The following AGMO variants were observed in gnomAD, a reference collection of about 807,000 sequenced individuals.
AGMO encodes glyceryl-ether monooxygenase.
In AGMO, 75 loss-of-function variants were observed where a neutral mutation model predicts 60.2. The observed-to-expected ratio is 1.25, with a 90% confidence interval of 1.03 to 1.51. AGMO has a LOEUF of 1.51. AGMO is among the 40% of genes most tolerant of loss of function. The pLI, the probability that AGMO is intolerant of heterozygous loss-of-function variation, is 0.00. For synonymous variants in AGMO, 261 were observed against 177.1 expected, an observed-to-expected ratio of 1.47 and a Z score of -3.76; for missense variants, 763 against 525.5, an observed-to-expected ratio of 1.45 and a Z score of -4.42.
intron 12 of AGMO, among the ~76,000 whole-genome samples, chr7:15,322,650 A>G (rs1317716500): frequency 1.5e-5 from 1 of 67,098 alleles, no homozygotes; most frequent in Non-Finnish European, 2.4e-5. Flanking sequence ...AAATATATAA[A>G]TATATATATA....
the AGMO span, among the ~76,000 whole-genome samples, chr7:15,131,047 G>T: frequency 2.0e-5 from 3 of 150,890 alleles, no homozygotes; most frequent in Non-Finnish European, 3.0e-5. Context: ...ATTTTTGCTT[G>T]TATTTCTGTG....
intron 10 of AGMO, among the ~76,000 whole-genome samples, chr7:15,378,069 C>A (rs1783525383): frequency 6.6e-6 from 1 of 152,024 alleles, no homozygotes; most frequent in Non-Finnish European, 1.5e-5. Context: ...CCAATCATTA[C>A]ATTTTCAAAA....
At chr7:15,392,232 G>C (rs56093224) in intron 6 of AGMO, among the ~76,000 whole-genome samples, 1 of 151,114 alleles carries the variant, frequency 6.6e-6, no homozygotes, top group Non-Finnish European at 1.5e-5. Context: ...ACTATACCCG[G>C]CTAATTTTTC....
At chr7:15,375,166 T>C (rs1783398199) in intron 10 of AGMO, among the ~76,000 whole-genome samples, 1 of 152,228 alleles carries the variant, frequency 6.6e-6, no homozygotes, top group East Asian at 1.9e-4. Context: ...ATTATCTTTT[T>C]TGAATGCTCC....
At chr7:15,540,125 T>C (rs1358454768) in intron 3 of AGMO, among the ~76,000 whole-genome samples, 1 of 152,108 alleles carries the variant, frequency 6.6e-6, no homozygotes, top group Non-Finnish European at 1.5e-5. Flanking sequence ...AGCTACTGCC[T>C]ATAGAACTGA....
intron 12 of AGMO, among the ~76,000 whole-genome samples, chr7:15,290,497 C>G (rs1331386560): frequency 2.0e-5 from 3 of 152,116 alleles, no homozygotes; most frequent in African/African-American, 7.2e-5. Flanking sequence ...ATCAAATACA[C>G]TCATTATTAT....
At chr7:15,333,386 A>G (rs150890178) in intron 12 of AGMO, among the ~76,000 whole-genome samples, 6 of 152,270 alleles carry the variant, frequency 3.9e-5, no homozygotes, top group East Asian at 1.9e-4. Context: ...AGTCCATTTC[A>G]TAAGTAAGAA....
chr7:15,298,888 A>C (rs1231740185), intron 12 of AGMO, among the ~76,000 whole-genome samples: 1 of 151,986 alleles, frequency 6.6e-6, no homozygotes, highest in Non-Finnish European at 1.5e-5. Context: ...CCACCCCTCT[A>C]ATTCATCACT....
At chr7:15,156,049 C>G in the AGMO span, among the ~76,000 whole-genome samples, 3 of 152,082 alleles carry the variant, frequency 2.0e-5, no homozygotes, top group Non-Finnish European at 2.9e-5. Flanking sequence ...CAACTACGCT[C>G]TAATGGGGGC....
intron 12 of AGMO, among the ~76,000 whole-genome samples, chr7:15,353,416 T>G (rs1332440996): frequency 2.0e-5 from 3 of 152,164 alleles, no homozygotes; most frequent in Non-Finnish European, 4.4e-5. Flanking sequence ...TCAAAATTCC[T>G]AGGCTTATGA....
Position 15,425,644 on chromosome 7 carries a change from T to C in AGMO, c.513+5361A>G, listed in dbSNP as rs1325849057. Among the ~76,000 whole-genome samples the C allele has an allele frequency of 2.0e-5, 3 of 152,146 alleles. No individual in the cohort carries two copies. The East Asian group carries it at 5.8e-4, about 29-fold the overall frequency. ...TTGTAGAGACAGCATCTTGTGATAT[T>C]GCTTCGGCTAGTCTTGAACTCCTGG... On this transcript the variant is annotated intron_variant, in intron 4 of 12. Coordinates refer to ENST00000342526, the MANE Select transcript of AGMO (RefSeq NM_001004320.2).
intron 3 of AGMO, among the ~76,000 whole-genome samples, chr7:15,530,376 G>A (rs1022661098): frequency 8.5e-6 from 1 of 117,624 alleles, no homozygotes; most frequent in Non-Finnish European, 1.7e-5. Flanking sequence ...TTCTATATAC[G>A]TATTTCTATA....
chr7:15,510,977 T>C (rs1328161290), intron 3 of AGMO, among the ~76,000 whole-genome samples: 1 of 151,154 alleles, frequency 6.6e-6, no homozygotes, highest in African/African-American at 2.4e-5. Flanking sequence ...TTATTTCTGG[T>C]CACAAAAACA....
chr7:15,151,432 A>C, the AGMO span, among the ~76,000 whole-genome samples: 4 of 151,832 alleles, frequency 2.6e-5, no homozygotes, highest in Non-Finnish European at 4.4e-5. Flanking sequence ...GATCTTTCTA[A>C]CTTCTTTCTG....
intron 12 of AGMO, among the ~76,000 whole-genome samples, chr7:15,243,219 C>A (rs1782643786): frequency 6.6e-6 from 1 of 152,046 alleles, no homozygotes; most frequent in African/African-American, 2.4e-5. Flanking sequence ...TGAACATCTT[C>A]AAATTAAATC....
chr7:15,284,096 GTC>G (rs1221128121), intron 12 of AGMO, among the ~76,000 whole-genome samples: 1 of 151,984 alleles, frequency 6.6e-6, no homozygotes, highest in Admixed American at 6.6e-5. Flanking sequence ...TAAGAGAAAA[GTC>G]TGTAGTGCTA....
intron 12 of AGMO, among the ~76,000 whole-genome samples, chr7:15,300,704 G>A (rs4377857): frequency 0.78 from 119,239 of 152,046 alleles, 47,089 homozygotes; most frequent in African/African-American, 0.88. Flanking sequence ...TTTTTCTACC[G>A]CTAACTGGCA....
chr7:15,459,595 GCGTT>G (rs201442288), intron 3 of AGMO, among the ~76,000 whole-genome samples: 9 of 106,734 alleles, frequency 8.4e-5, no homozygotes, highest in South Asian at 6.1e-4. Context: ...GTGTGTATGT[GCGTT>G]TGTGTGTGTG....
intron 10 of AGMO, among the ~76,000 whole-genome samples, chr7:15,370,471 GC>G (rs1583468421): frequency 6.6e-6 from 1 of 152,158 alleles, no homozygotes; most frequent in East Asian, 1.9e-4. Flanking sequence ...TTTCCAAACT[GC>G]TTTCCACAGT....
Sources: gnomAD v4.1 joint callset for allele counts (sites outside exome capture counted in the v4.1 genomes callset) on GRCh38, gnomAD v4.1.1 for gene constraint, MANE v1.5 for transcripts, NCBI Gene and HGNC (gene_info 2026-07-23, HGNC 2026-07-21) for gene names.